DCC: variants seen among roughly 807,000 people sequenced by gnomAD.
DCC encodes the protein DCC netrin 1 receptor, also known as netrin receptor DCC.
DCC carries 58 observed loss-of-function variants against 172.5 expected under a neutral mutation model. The ratio of observed to expected loss-of-function variants is 0.34; its 90% CI spans 0.27 to 0.42. The LOEUF (loss-of-function observed/expected upper bound fraction) is 0.42. DCC is among the 10% of genes least tolerant of loss of function. The pLI is 1.00. For missense variants in DCC, 1,740 were observed against 1,791.0 expected (o/e 0.97, Z 0.51); for synonymous variants, 709 against 644.5 (o/e 1.10, Z -1.52).
intron 12 of DCC, among the ~76,000 whole-genome samples, chr18:53,237,708 C>A (rs1238380955): frequency 1.3e-5 from 2 of 152,088 alleles, no homozygotes; most frequent in Non-Finnish European, 2.9e-5. Context: ...TAAGTGAGTT[C>A]TTGTGAAAGA....
chr18:53,418,769 A>G (rs763127178), intron 21 of DCC, among the ~76,000 whole-genome samples: 38 of 152,202 alleles, frequency 2.5e-4, no homozygotes, highest in Non-Finnish European at 5.3e-4. Flanking sequence ...TGTGAAAACA[A>G]TAGTCATTTG....
chr18:52,805,578 GAT>G (rs1312998622), intron 2 of DCC, among the ~76,000 whole-genome samples: 1 of 152,164 alleles, frequency 6.6e-6, no homozygotes, highest in African/African-American at 2.4e-5. Context: ...GTTATAGAAA[GAT>G]ATTTTAAAAA....
chr18:53,000,992 T>G (rs2041557256), intron 5 of DCC, among the ~76,000 whole-genome samples: 1 of 152,048 alleles, frequency 6.6e-6, no homozygotes, highest in Non-Finnish European at 1.5e-5. Context: ...TGTGTTACTG[T>G]GCATCTCTTC....
At chr18:53,105,881 T>C (rs954886132) in intron 7 of DCC, among the ~76,000 whole-genome samples, 31 of 151,678 alleles carry the variant, frequency 2.0e-4, no homozygotes, top group African/African-American at 6.8e-4. Context: ...AACTTTTGAA[T>C]GTCCTCTTTA....
chr18:53,535,834 A>C lies in DCC; in HGVS notation c.*5181A>C, dbSNP rs188763341. 6.6e-6 allele frequency: 1 copy of C among 152,092 alleles called. No individual in the cohort carries two copies. Among genetic ancestry groups the C allele is most frequent in the African/African-American group, 2.4e-5 (1 of 41,432 alleles). The allele number at this position is 152,092 out of a possible 1,614,324, so 9.4% of individuals were successfully genotyped here. Reference sequence around the variant, plus strand: ...AACACTGTAGAACAGTCTCATATTCATTTTTTTATAGAAATGTTATTCCAA... The same window carrying C: ...AACACTGTAGAACAGTCTCATATTCCTTTTTTTATAGAAATGTTATTCCAA... On this transcript the variant is annotated 3_prime_UTR_variant, in exon 29 of 29. Transcript: ENST00000442544.
chr18:52,707,611 C>T (rs1247990286), intron 1 of DCC, among the ~76,000 whole-genome samples: 6 of 152,084 alleles, frequency 3.9e-5, no homozygotes, highest in Admixed American at 2.6e-4. Context: ...ATGGCATCAA[C>T]CTAAGTGTCC....
At chr18:52,882,797 T>C (rs917218988) in intron 2 of DCC, among the ~76,000 whole-genome samples, 1 of 152,152 alleles carries the variant, frequency 6.6e-6, no homozygotes, top group Admixed American at 6.5e-5. Flanking sequence ...ACAGACTAAA[T>C]CTGATGTTTC....
chr18:52,818,418 TAAAAA>T (rs55812629), intron 2 of DCC, among the ~76,000 whole-genome samples: 5 of 97,070 alleles, frequency 5.2e-5, no homozygotes, highest in African/African-American at 6.9e-5. Flanking sequence ...TCTCAAAAAG[TAAAAA>T]AAAAAAAAAA....
intron 7 of DCC, among the ~76,000 whole-genome samples, chr18:53,072,855 T>G (rs1375000287): frequency 3.3e-5 from 5 of 152,202 alleles, no homozygotes; most frequent in Non-Finnish European, 7.3e-5. Flanking sequence ...AAATCACAGC[T>G]CTATCATATA....
At position 53,205,267 on chromosome 18, in the gene DCC, C is replaced by T. The variant is rs752051963; in HGVS notation, c.1625C>T (p.Thr542Ile). The part of the protein sequence containing the change: ...ENLQAVSTSP[T>I]SILITWEPPA... ...CTGCAAGCTGTATCTACCTCACCTA[C>T]CTCAATTCTTATTACCTGGGAACCC... The change falls in exon 10 of 29, where the codon ACC (threonine) becomes ATC (isoleucine). Residue 542 changes from threonine (T) to isoleucine (I), a missense_variant. Thr to Ile is a moderately conservative substitution (Grantham distance 89, BLOSUM62 -1). Coordinates refer to ENST00000442544, the MANE Select transcript of DCC (RefSeq NM_005215.4). The T allele has an allele frequency of 1.7e-5, 27 of 1,613,464 alleles. No homozygotes were observed. In the Admixed American group the frequency reaches 4.3e-4, roughly 26 times the overall value.
chr18:53,339,656 G>T (rs1206723530), intron 14 of DCC, 57 bp from the exon 15 acceptor site: 6 of 1,323,926 alleles, frequency 4.5e-6, no homozygotes, highest in Non-Finnish European at 6.6e-6. Context: ...ATGGTGTTCT[G>T]CCGTGCTACA....
intron 2 of DCC, among the ~76,000 whole-genome samples, chr18:52,832,987 C>T (rs574363376): frequency 6.6e-6 from 1 of 152,026 alleles, no homozygotes; most frequent in Non-Finnish European, 1.5e-5. Flanking sequence ...TATGCATAGC[C>T]CTCTGCCATA....
At chr18:52,869,068 C>G (rs1304561084) in intron 2 of DCC, among the ~76,000 whole-genome samples, 1 of 152,206 alleles carries the variant, frequency 6.6e-6, no homozygotes, top group African/African-American at 2.4e-5. Context: ...TCTGGGATCC[C>G]CAAAGGGTCA....
At chr18:53,306,269 AT>A (rs1206128079) in intron 13 of DCC, among the ~76,000 whole-genome samples, 4 of 152,164 alleles carry the variant, frequency 2.6e-5, no homozygotes, top group Non-Finnish European at 5.9e-5. Flanking sequence ...TAAAGAATAT[AT>A]TTTTTTAAAT....
In DCC at chr18:53,124,969, C is replaced by CAA. The variant is rs34682402; in HGVS notation, c.1262-32376_1262-32375dup. Among the ~76,000 whole-genome samples, 1,143 of 137,836 alleles carry CAA rather than the reference C, an allele frequency of 8.3e-3. 9 individuals are homozygous for CAA. Among genetic ancestry groups the CAA allele is most frequent in the Admixed American group, 0.025 (340 of 13,656 alleles). The allele number at this position is 137,836 out of a possible 152,430, so 90.4% of individuals were successfully genotyped here. A position where few individuals can be genotyped will look rare whatever the true frequency, so the allele number is the denominator to read the frequency against. On this transcript the variant is annotated intron_variant, in intron 7 of 28. Transcript: ENST00000442544. ...TGGGCAGCAGAGTGAGACTCCATCT[C>CAA]AAAAAAAAAAAATGATGCTATCATC...
At chr18:52,589,768 CAG>C (rs906295928) in intron 1 of DCC, among the ~76,000 whole-genome samples, 1 of 152,106 alleles carries the variant, frequency 6.6e-6, no homozygotes, top group Non-Finnish European at 1.5e-5. Context: ...TTAGGGAAAA[CAG>C]AGAACTTAGA....
intron 21 of DCC, among the ~76,000 whole-genome samples, chr18:53,422,393 A>G (rs1910684721): frequency 6.6e-6 from 1 of 152,082 alleles, no homozygotes; most frequent in Admixed American, 6.6e-5. Flanking sequence ...ACCTCTATGT[A>G]TCTTTATTTT....
intron 15 of DCC, among the ~76,000 whole-genome samples, chr18:53,363,014 T>C (rs556969102): frequency 1.3e-5 from 2 of 152,272 alleles, no homozygotes; most frequent in South Asian, 4.1e-4. Flanking sequence ...GAGGGTGTTC[T>C]GATTGACGCC....
chr18:53,057,069 C>A (rs1456936856), intron 5 of DCC, among the ~76,000 whole-genome samples: 2 of 94,540 alleles, frequency 2.1e-5, no homozygotes, highest in East Asian at 3.1e-4. Flanking sequence ...AGCTAAGTAA[C>A]TTCTAAAAGT....
Sources: allele counts gnomAD v4.1 joint callset (sites outside exome capture counted in the v4.1 genomes callset), GRCh38; gene constraint gnomAD v4.1.1; transcripts MANE v1.5; gene names NCBI Gene and HGNC (gene_info 2026-07-23, HGNC 2026-07-21).